SGIP1: variants seen among roughly 807,000 people sequenced by gnomAD.
SGIP1 encodes SH3-containing GRB2-like protein 3-interacting protein 1.
Under a neutral mutation model 107.5 loss-of-function variants are expected in SGIP1, and 38 were observed. The ratio of observed to expected loss-of-function variants is 0.35; its 90% CI spans 0.27 to 0.46. The LOEUF (loss-of-function observed/expected upper bound fraction) is 0.46. SGIP1 is among the 20% of genes least tolerant of loss of function. SGIP1 has a pLI of 1.00. For missense variants in SGIP1, 929 were observed against 1,019.5 expected (o/e 0.91, Z 1.21); for synonymous variants, 365 against 366.1 (o/e 1.00, Z 0.03).
At chr1:66,653,453 T>C (rs535121048) in intron 7 of SGIP1, among the ~76,000 whole-genome samples, 2 of 152,282 alleles carry the variant, frequency 1.3e-5, no homozygotes, top group East Asian at 3.9e-4. Flanking sequence ...TGTCATGATT[T>C]CTCCAATTAA....
At chr1:66,667,849 T>C (rs570008532) in intron 9 of SGIP1, among the ~76,000 whole-genome samples, 8 of 152,070 alleles carry the variant, frequency 5.3e-5, no homozygotes, top group Admixed American at 1.3e-4. Context: ...ATAAAAGGCC[T>C]AGAGATTCAC....
At chr1:66,719,047 A>G (rs1425680907) in intron 18 of SGIP1, among the ~76,000 whole-genome samples, 1 of 151,930 alleles carries the variant, frequency 6.6e-6, no homozygotes, top group East Asian at 1.9e-4. Flanking sequence ...TTCTGCTTGG[A>G]TTTTCTTCTC....
rs1020346331 is a variant in SGIP1 at position 66,750,851 on chromosome 1, G to C, written c.*7756G>C. On this transcript the variant is annotated 3_prime_UTR_variant, in exon 25 of 25. Transcript: ENST00000371037. ...CAGGAAAGTGTGTAATTGACTTGTT[G>C]AAGATAATCATGAGACCATCTTAAC... is the stretch of plus-strand genomic sequence containing the variant. 9.2e-5 allele frequency among the ~76,000 whole-genome samples: 14 copies of C among 152,200 alleles called. No homozygotes were observed. The highest frequency in any genetic ancestry group is 2.7e-4 in the African/African-American group (11 of 41,460).
intron 18 of SGIP1, among the ~76,000 whole-genome samples, chr1:66,713,306 GAGAT>G (rs1483377617): frequency 1.3e-5 from 2 of 152,106 alleles, no homozygotes; most frequent in Admixed American, 1.3e-4. Flanking sequence ...TATGCAGTAA[GAGAT>G]AGAAATTTTC....
intron 1 of SGIP1, among the ~76,000 whole-genome samples, chr1:66,558,584 T>A (rs536059695): frequency 2.4e-4 from 37 of 152,184 alleles, no homozygotes; most frequent in Non-Finnish European, 2.4e-4. Flanking sequence ...GAGCACCTAC[T>A]ATGTGCCAGA....
Position 66,736,296 on chromosome 1 carries a change from T to G in SGIP1, c.2031+2416T>G, listed in dbSNP as rs1480768387. ...TATACAAATAGTTTAAAATATTATA[T>G]AAAATATGCAAATATATAAATATGA... On this transcript the variant is annotated intron_variant, in intron 21 of 24. Coordinates refer to ENST00000371037, the MANE Select transcript of SGIP1 (RefSeq NM_032291.4). 4.8e-5 allele frequency among the ~76,000 whole-genome samples: 7 copies of G among 146,564 alleles called. No homozygotes were observed. The East Asian group carries it at 1.4e-3, about 29-fold the overall frequency.
chr1:66,655,635 G>A (rs1269319198), intron 7 of SGIP1, among the ~76,000 whole-genome samples: 1 of 152,178 alleles, frequency 6.6e-6, no homozygotes, highest in Non-Finnish European at 1.5e-5. Context: ...CTACAAATAT[G>A]TATAGCATGT....
intron 9 of SGIP1, 142 bp from the exon 10 acceptor site, chr1:66,670,853 A>G: frequency 4.9e-6 from 2 of 408,530 alleles, no homozygotes; most frequent in Non-Finnish European, 9.1e-6. Context: ...ACAATTTCCT[A>G]CTTAAATGCG....
intron 18 of SGIP1, among the ~76,000 whole-genome samples, chr1:66,708,539 A>C (rs1004035961): frequency 6.6e-6 from 1 of 152,124 alleles, no homozygotes; most frequent in African/African-American, 2.4e-5. Context: ...TCTTATGTTC[A>C]TATTTAACAA....
chr1:66,672,597 A>G (rs2084095532), intron 11 of SGIP1, among the ~76,000 whole-genome samples: 1 of 152,148 alleles, frequency 6.6e-6, no homozygotes, highest in Non-Finnish European at 1.5e-5. Flanking sequence ...CATAGACCTC[A>G]CTGGGATCAA....
chr1:66,569,626 A>G (rs2060117173), intron 1 of SGIP1, among the ~76,000 whole-genome samples: 1 of 151,780 alleles, frequency 6.6e-6, no homozygotes, highest in Admixed American at 6.6e-5. Flanking sequence ...TAATTTTTTT[A>G]TACATTGTTG....
chr1:66,677,955 A>C (rs536257337), intron 13 of SGIP1, among the ~76,000 whole-genome samples: 13 of 152,330 alleles, frequency 8.5e-5, no homozygotes, highest in African/African-American at 2.9e-4. Context: ...GATCATGAGA[A>C]TTAACCGCGG....
intron 1 of SGIP1, among the ~76,000 whole-genome samples, chr1:66,602,728 C>T (rs901607261): frequency 6.6e-6 from 1 of 152,020 alleles, no homozygotes; most frequent in Non-Finnish European, 1.5e-5. Flanking sequence ...AAGATACTAA[C>T]GTAAAGATAT....
chr1:66,639,514 C>T (rs1416366445), intron 4 of SGIP1, among the ~76,000 whole-genome samples: 1 of 152,144 alleles, frequency 6.6e-6, no homozygotes, highest in Non-Finnish European at 1.5e-5. Context: ...AAAATTTGAA[C>T]AGTTCATCGT....
At chr1:66,594,710 C>A (rs11811511) in intron 1 of SGIP1, among the ~76,000 whole-genome samples, 2 of 151,986 alleles carry the variant, frequency 1.3e-5, no homozygotes, top group African/African-American at 4.8e-5. Flanking sequence ...GGAGAAAGAG[C>A]GGCAGTGGAG....
At chr1:66,699,964 T>C (rs1557676525) in intron 18 of SGIP1, among the ~76,000 whole-genome samples, 1 of 152,154 alleles carries the variant, frequency 6.6e-6, no homozygotes. Context: ...ATCTGAGTAT[T>C]TACCATGTGT....
rs376907150 is a variant in SGIP1 at position 66,635,990 on chromosome 1, C to T, written c.146C>T (p.Ala49Val). The T allele has an allele frequency of 1.5e-4, 234 of 1,613,512 alleles. 2 individuals carry two copies. The South Asian group carries it at 2.1e-3, about 15-fold the overall frequency. ...EPPYNSKAEC[A>V]REGGKKVSKK... ...CCCTACAATAGCAAAGCAGAGTGTG[C>T]GCGTGAAGGAGGAAAAAAAGTTTCG... Residue 49 changes from alanine (A) to valine (V), a missense_variant, in exon 4 of 25, where the codon GCG (alanine) becomes GTG (valine). By Grantham distance (64) the Ala-to-Val change is moderately conservative. Around this residue, in one of 2 missense-constraint regions of SGIP1, gnomAD observed 588 missense variants for 588.6 expected, o/e 1.00. Transcript: ENST00000371037.
intron 2 of SGIP1, among the ~76,000 whole-genome samples, chr1:66,626,662 CTT>C (rs1246989280): frequency 2.0e-5 from 3 of 152,138 alleles, no homozygotes; most frequent in Non-Finnish European, 4.4e-5. Context: ...AAGCAGGTAA[CTT>C]ATATATGTGA....
intron 18 of SGIP1, among the ~76,000 whole-genome samples, chr1:66,703,379 C>T (rs1455939757): frequency 6.6e-6 from 1 of 152,116 alleles, no homozygotes; most frequent in South Asian, 2.1e-4. Flanking sequence ...AGCAATATAA[C>T]ATGTTGCTAT....
Sources: allele counts gnomAD v4.1 joint callset (sites outside exome capture counted in the v4.1 genomes callset), GRCh38; gene constraint gnomAD v4.1.1; regional missense constraint gnomAD v4.1.1; transcripts MANE v1.5; gene names NCBI Gene and HGNC (gene_info 2026-07-23, HGNC 2026-07-21).